Variants in GRIA2 observed in about 807,000 individuals in gnomAD.
GRIA2 encodes glutamate ionotropic receptor AMPA type subunit 2.
In GRIA2, 14 loss-of-function variants were observed where a neutral mutation model predicts 97.3. The observed-to-expected ratio is 0.14, with a 90% CI of 0.10 to 0.23. GRIA2 has a LOEUF of 0.23. GRIA2 is among the 10% of genes least tolerant of loss of function. GRIA2 has a pLI of 1.00. For missense variants in GRIA2, 558 were observed against 1,069.8 expected, an observed-to-expected ratio of 0.52 and a Z score of 6.67; for synonymous variants, 412 against 387.8, an observed-to-expected ratio of 1.06 and a Z score of -0.73.
chr4:157,226,814 A>C (rs1729767100), intron 2 of GRIA2, among the ~76,000 whole-genome samples: 1 of 152,162 alleles, frequency 6.6e-6, no homozygotes, highest in African/African-American at 2.4e-5. Context: ...CTCAAGTTGG[A>C]CTTTCTTAAG....
At chr4:157,318,114 A>G (rs1295838637) in intron 5 of GRIA2, among the ~76,000 whole-genome samples, 3 of 152,148 alleles carry the variant, frequency 2.0e-5, no homozygotes, top group African/African-American at 7.2e-5. Context: ...GAATTTATAG[A>G]ACAATATTTG....
intron 2 of GRIA2, among the ~76,000 whole-genome samples, chr4:157,229,107 A>G (rs11100100): frequency 0.98 from 148,514 of 152,268 alleles, 72,480 homozygotes; most frequent in East Asian, 1. Flanking sequence ...TTATTTTTAC[A>G]TTTTAGATGG....
chr4:157,315,782 G>A (rs1250999963), intron 4 of GRIA2, among the ~76,000 whole-genome samples: 6 of 152,138 alleles, frequency 3.9e-5, no homozygotes, highest in African/African-American at 1.4e-4. Flanking sequence ...CTCATGATCT[G>A]CCCGCCTTGG....
rs539702051 is a variant in GRIA2, at chr4:157,226,832, G to T, written c.229+5025G>T. ...AAGTTGGACTTTCTTAAGCAATGAT[G>T]ACAAACCATGAACACATGTGCCAGG... On this transcript the variant is annotated intron_variant, in intron 2 of 15. Coordinates refer to ENST00000264426, the MANE Select transcript of GRIA2 (RefSeq NM_001083619.3). Among the ~76,000 whole-genome samples, 58 of 152,252 alleles carry T rather than the reference G, an allele frequency of 3.8e-4. No homozygotes were observed. The South Asian group carries it at 0.011, about 29-fold the overall frequency.
chr4:157,352,196 A>G (rs147663973), intron 12 of GRIA2, among the ~76,000 whole-genome samples: 26 of 152,316 alleles, frequency 1.7e-4, no homozygotes, highest in African/African-American at 4.8e-4. Context: ...TTTTTAATCT[A>G]AACTCTATGT....
intron 12 of GRIA2, chr4:157,342,478 C>A (rs978622177): frequency 1.0e-6 from 1 of 982,686 alleles, no homozygotes; most frequent in Non-Finnish European, 1.2e-6. Flanking sequence ...TAATTAGGTA[C>A]CTCAATATAA....
chr4:157,298,611 CTTTTTTTT>C (rs67497887), intron 2 of GRIA2, among the ~76,000 whole-genome samples: 4 of 34,318 alleles, frequency 1.2e-4, no homozygotes, highest in Non-Finnish European at 1.5e-4. Context: ...TGAAGCTAAG[CTTTTTTTT>C]TTTTTTTTTT....
chr4:157,350,888 C>T (rs1166280479), intron 12 of GRIA2, among the ~76,000 whole-genome samples: 1 of 150,066 alleles, frequency 6.7e-6, no homozygotes, highest in East Asian at 2.0e-4. Context: ...AGCTACATGC[C>T]AGATTTTGCA....
At chr4:157,326,416 T>G (rs1734804892) in intron 6 of GRIA2, among the ~76,000 whole-genome samples, 1 of 152,022 alleles carries the variant, frequency 6.6e-6, no homozygotes, top group Non-Finnish European at 1.5e-5. Context: ...AAGTGCCATT[T>G]AAAAAAAATT....
chr4:157,320,187 T>C (rs2126902339), intron 5 of GRIA2, among the ~76,000 whole-genome samples: 1 of 152,222 alleles, frequency 6.6e-6, no homozygotes, highest in East Asian at 1.9e-4. Context: ...GCTGAGATCA[T>C]GTTCGAGAAA....
chr4:157,231,896 A>G (rs973495458), intron 2 of GRIA2, among the ~76,000 whole-genome samples: 2 of 152,210 alleles, frequency 1.3e-5, no homozygotes, highest in Non-Finnish European at 2.9e-5. Flanking sequence ...ATTTTTCACA[A>G]TTCTACATGT....
intron 2 of GRIA2, among the ~76,000 whole-genome samples, chr4:157,298,046 A>G (rs1444437039): frequency 6.6e-6 from 1 of 152,040 alleles, no homozygotes; most frequent in Admixed American, 6.6e-5. Context: ...ATAGATTTTG[A>G]AGAAAAAGAA....
At chr4:157,260,395 G>T (rs1731476179) in intron 2 of GRIA2, among the ~76,000 whole-genome samples, 1 of 152,104 alleles carries the variant, frequency 6.6e-6, no homozygotes, top group African/African-American at 2.4e-5. Context: ...GGGCTTACAT[G>T]ATAGATATTT....
At chr4:157,279,041 A>G (rs370857643) in intron 2 of GRIA2, among the ~76,000 whole-genome samples, 10 of 152,100 alleles carry the variant, frequency 6.6e-5, no homozygotes, top group Non-Finnish European at 4.4e-5. Flanking sequence ...TTGGAAAACA[A>G]TTTGGCAGTT....
chr4:157,305,127 A>G (rs1200334198), intron 3 of GRIA2, among the ~76,000 whole-genome samples: 3 of 152,200 alleles, frequency 2.0e-5, no homozygotes, highest in African/African-American at 7.2e-5. Context: ...AAAAGGGCTT[A>G]TAAAACTGAG....
In GRIA2 at chr4:157,364,584, T is replaced by C. The variant is rs1028811567; in HGVS notation, c.*1153T>C. 12 of 152,322 alleles carry C rather than the reference T, an allele frequency of 7.9e-5. No individual in the cohort carries two copies. The highest frequency in any genetic ancestry group is 3.4e-3 in the Middle Eastern group (1 of 294). The allele number at this position is 152,322 out of a possible 1,614,324, so 9.4% of individuals were successfully genotyped here. A position where few individuals can be genotyped will look rare whatever the true frequency, so the allele number is the denominator to read the frequency against. ...AAATACCAGAATACGTGAAGTTCCA[T>C]TTTTAAAGTGTTTGAGCTTACAGAA... On this transcript the variant is annotated 3_prime_UTR_variant, in exon 16 of 16. Transcript: ENST00000264426.
At chr4:157,347,895 G>T (rs1190692607) in intron 12 of GRIA2, among the ~76,000 whole-genome samples, 1 of 152,134 alleles carries the variant, frequency 6.6e-6, no homozygotes, top group Admixed American at 6.5e-5. Flanking sequence ...GGAGGCCAAG[G>T]CAGGCAGATC....
chr4:157,235,051 T>A (rs1730183091), intron 2 of GRIA2, among the ~76,000 whole-genome samples: 1 of 152,126 alleles, frequency 6.6e-6, no homozygotes, highest in African/African-American at 2.4e-5. Context: ...CTCTTCAATG[T>A]AGGATCATAA....
intron 2 of GRIA2, among the ~76,000 whole-genome samples, chr4:157,246,074 G>A (rs1415286812): frequency 6.6e-6 from 1 of 151,972 alleles, no homozygotes; most frequent in Admixed American, 6.6e-5. Flanking sequence ...GACAGTAGAG[G>A]TTTATATTCA....
Sources: allele counts gnomAD v4.1 joint callset (sites outside exome capture counted in the v4.1 genomes callset), GRCh38; gene constraint gnomAD v4.1.1; transcripts MANE v1.5; gene names NCBI Gene and HGNC (gene_info 2026-07-23, HGNC 2026-07-21).